Variants in RUNX1 observed in about 807,000 individuals in gnomAD.
RUNX1 encodes the protein runt-related transcription factor 1.
A neutral mutation model predicts 42.8 loss-of-function variants in RUNX1; 19 were observed. The ratio of observed to expected loss-of-function variants is 0.44; its 90% CI spans 0.31 to 0.65. RUNX1 has a LOEUF of 0.65. Ranked by LOEUF, RUNX1 falls within the 30% of genes least tolerant of loss-of-function variation. The pLI is 0.07. For synonymous variants in RUNX1, 271 were observed against 289.4 expected (o/e 0.94, Z 0.64); for missense variants, 528 against 672.0 (o/e 0.79, Z 2.37).
At chr21:34,972,702 A>T (rs1036520360) in intron 2 of RUNX1, among the ~76,000 whole-genome samples, 1 of 152,220 alleles carries the variant, frequency 6.6e-6, no homozygotes, top group Non-Finnish European at 1.5e-5. Flanking sequence ...TTAAATGACC[A>T]AGTGGTTTGG....
chr21:35,017,809 G>A (rs2059170425), intron 2 of RUNX1, among the ~76,000 whole-genome samples: 1 of 152,170 alleles, frequency 6.6e-6, no homozygotes, highest in African/African-American at 2.4e-5. Flanking sequence ...TCACCCGGGT[G>A]CAAAGGACCA....
At chr21:35,029,847 T>C (rs1324934203) in intron 2 of RUNX1, among the ~76,000 whole-genome samples, 2 of 152,208 alleles carry the variant, frequency 1.3e-5, no homozygotes, top group African/African-American at 4.8e-5. Flanking sequence ...ATCCTGGTAA[T>C]AGTACGAGGT....
chr21:34,821,714 G>A (rs752803997), intron 7 of RUNX1: 1 of 1,553,294 alleles, frequency 6.4e-7, no homozygotes, highest in Non-Finnish European at 8.7e-7. Context: ...AGCCATGTGT[G>A]ACCAGGGAGA....
chr21:34,982,544 T>C (rs2058855105), intron 2 of RUNX1, among the ~76,000 whole-genome samples: 1 of 152,016 alleles, frequency 6.6e-6, no homozygotes, highest in African/African-American at 2.4e-5. Context: ...TCATTAATGA[T>C]TGCGATACTA....
intron 7 of RUNX1, among the ~76,000 whole-genome samples, chr21:34,820,349 C>A (rs1443414108): frequency 3.3e-5 from 5 of 152,062 alleles, no homozygotes; most frequent in African/African-American, 1.2e-4. Context: ...TCCTTGCATG[C>A]TTTAAGAATC....
intron 7 of RUNX1, among the ~76,000 whole-genome samples, chr21:34,831,433 T>C (rs2057062405): frequency 6.6e-6 from 1 of 152,232 alleles, no homozygotes; most frequent in Admixed American, 6.5e-5. Context: ...TAGGTAAGTA[T>C]TGGTGCTATT....
At chr21:34,829,839 T>C (rs1297838093) in intron 7 of RUNX1, 1 of 152,200 alleles carries the variant, frequency 6.6e-6, no homozygotes, top group East Asian at 1.9e-4. Flanking sequence ...TGCAATGCAG[T>C]TGGATATTTT....
intron 2 of RUNX1, among the ~76,000 whole-genome samples, chr21:34,957,400 C>A (rs1024804992): frequency 1.3e-5 from 2 of 152,168 alleles, no homozygotes; most frequent in Admixed American, 1.3e-4. Flanking sequence ...CTGGGGCAAG[C>A]CAGGAACTCA....
chr21:34,890,485 G>C (rs1281857252), intron 3 of RUNX1, among the ~76,000 whole-genome samples: 4 of 152,000 alleles, frequency 2.6e-5, no homozygotes, highest in Admixed American at 2.6e-4. Context: ...GTCTCTTCCC[G>C]AAGCCCCTGT....
At chr21:35,041,621 T>A (rs1164746993) in intron 2 of RUNX1, among the ~76,000 whole-genome samples, 1 of 151,814 alleles carries the variant, frequency 6.6e-6, no homozygotes, top group African/African-American at 2.4e-5. Flanking sequence ...ATAACAACTT[T>A]CTTTTCATTC....
intron 2 of RUNX1, among the ~76,000 whole-genome samples, chr21:35,016,913 C>G (rs2146931180): frequency 6.6e-6 from 1 of 150,782 alleles, no homozygotes; most frequent in East Asian, 2.0e-4. Flanking sequence ...GTAGCTGATA[C>G]AGAGTAGCCA....
intron 2 of RUNX1, among the ~76,000 whole-genome samples, chr21:34,966,469 T>C (rs1051789509): frequency 6.6e-6 from 1 of 152,088 alleles, no homozygotes; most frequent in African/African-American, 2.4e-5. Flanking sequence ...ACATGGCCAA[T>C]GAAGGGAGAA....
At chr21:35,046,650 C>T (rs1180155084) in intron 2 of RUNX1, among the ~76,000 whole-genome samples, 2 of 152,122 alleles carry the variant, frequency 1.3e-5, no homozygotes, top group Admixed American at 6.5e-5. Flanking sequence ...GCTACCTCTC[C>T]GGCTTGGGTG....
At chr21:35,034,741 G>A (rs1468215561) in intron 2 of RUNX1, among the ~76,000 whole-genome samples, 3 of 152,296 alleles carry the variant, frequency 2.0e-5, no homozygotes, top group Non-Finnish European at 2.9e-5. Context: ...TGGCGAGGTC[G>A]GGAAACCCTG....
At chr21:34,972,789 G>A (rs896387583) in intron 2 of RUNX1, among the ~76,000 whole-genome samples, 1 of 152,130 alleles carries the variant, frequency 6.6e-6, no homozygotes, top group African/African-American at 2.4e-5. Context: ...TCATTTGGCA[G>A]GCATCTTCTT....
chr21:34,937,827 T>A (rs1233024149), intron 2 of RUNX1, among the ~76,000 whole-genome samples: 1 of 152,132 alleles, frequency 6.6e-6, no homozygotes, highest in Non-Finnish European at 1.5e-5. Context: ...CAACAGAAAA[T>A]GCCAGGCAAG....
chr21:34,792,295 A>C lies in RUNX1; in HGVS notation c.1283T>G (p.Ile428Ser). 1 of 1,525,562 alleles carries C rather than the reference A, an allele frequency of 6.6e-7. No homozygotes were observed. 94.5% of individuals were successfully genotyped at this position (1,525,562 alleles called of 1,614,324 possible). A position where few individuals can be genotyped will look rare whatever the true frequency, so the allele number is the denominator to read the frequency against. ...GGAGGCGTTGGTGCAGGGCGGCAGG[A>C]TGCGCGGCGGCGAGCGCTCGCCGCC... ...MVGGERSPPRILPPCTNASTG... is the reference protein window; with the variant it reads ...MVGGERSPPRSLPPCTNASTG... Residue 428 changes from isoleucine to serine, a missense_variant, in exon 9 of 9, where the codon ATC (isoleucine) becomes AGC (serine). Physicochemically the swap from Ile to Ser is moderately radical, Grantham distance 142. Around this residue, in one of 3 missense-constraint regions of RUNX1, gnomAD observed 331 missense variants for 382.5 expected, o/e 0.87. Transcript: ENST00000675419. The surrounding 1 kb of genome is among the most constrained non-coding windows in gnomAD (Gnocchi z 6.9).
chr21:34,976,222 T>C (rs982885960), intron 2 of RUNX1, among the ~76,000 whole-genome samples: 23 of 152,098 alleles, frequency 1.5e-4, no homozygotes, highest in African/African-American at 5.6e-4. Context: ...AATACAAAGC[T>C]CTTGCTTACA....
At chr21:34,873,355 CG>C (rs1569073698) in intron 5 of RUNX1, among the ~76,000 whole-genome samples, 1 of 152,176 alleles carries the variant, frequency 6.6e-6, no homozygotes, top group Non-Finnish European at 1.5e-5. Flanking sequence ...TGGACAGGCA[CG>C]TCCTTGGGAT....
Sources: gnomAD v4.1 joint callset for allele counts (sites outside exome capture counted in the v4.1 genomes callset) on GRCh38, gnomAD v4.1.1 for gene constraint, gnomAD v4.1.1 regional missense constraint, Gnocchi (gnomAD v3.1) non-coding constraint, MANE v1.5 for transcripts, NCBI Gene and HGNC (gene_info 2026-07-23, HGNC 2026-07-21) for gene names.